The following EYS variants were observed in gnomAD, a reference collection of about 807,000 sequenced individuals.
The protein encoded by EYS is EGF-like photoreceptor maintenance factor.
EYS carries 250 observed loss-of-function variants against 282.1 expected under a neutral mutation model. The ratio of observed to expected loss-of-function variants is 0.89; its 90% confidence interval spans 0.80 to 0.98. The LOEUF (loss-of-function observed/expected upper bound fraction) is 0.98, where lower values mean the gene tolerates loss of function less well. Ranked by LOEUF, EYS falls within the 50% of genes least tolerant of loss-of-function variation. The pLI, the probability that EYS is intolerant of heterozygous loss-of-function variation, is 0.00. For missense variants in EYS, 4,016 were observed against 3,709.0 expected, an observed-to-expected ratio of 1.08 and a Z score of -2.15; for synonymous variants, 1,355 against 1,282.9, an observed-to-expected ratio of 1.06 and a Z score of -1.20.
At chr6:64,508,700 C>T (rs896559586) in intron 26 of EYS, among the ~76,000 whole-genome samples, 6 of 151,318 alleles carry the variant, frequency 4.0e-5, no homozygotes, top group Non-Finnish European at 5.9e-5. Context: ...TTGAGGACTC[C>T]GAAGAGCTTT....
chr6:64,766,043 T>A (rs186874008), intron 22 of EYS, among the ~76,000 whole-genome samples: 2 of 152,144 alleles, frequency 1.3e-5, no homozygotes, highest in Non-Finnish European at 2.9e-5. Context: ...ATCCCCCTTT[T>A]TTTTTGTAAA....
intron 22 of EYS, among the ~76,000 whole-genome samples, chr6:64,663,204 A>T (rs7764399): frequency 6.6e-6 from 1 of 151,876 alleles, no homozygotes; most frequent in African/African-American, 2.4e-5. Flanking sequence ...ACTGACAACA[A>T]TAATTATGTA....
At chr6:64,319,396 A>G (rs1770114361) in intron 29 of EYS, among the ~76,000 whole-genome samples, 1 of 151,892 alleles carries the variant, frequency 6.6e-6, no homozygotes, top group African/African-American at 2.4e-5. Flanking sequence ...GATTAAATCA[A>G]TGGTTTTCAT....
At chr6:64,494,936 TCAC>T (rs1455703477) in intron 26 of EYS, among the ~76,000 whole-genome samples, 2 of 151,684 alleles carry the variant, frequency 1.3e-5, no homozygotes, top group South Asian at 2.1e-4. Context: ...AATACAATAA[TCAC>T]CACTATTGAT....
intron 2 of EYS, among the ~76,000 whole-genome samples, chr6:65,620,937 T>G (rs1309310304): frequency 6.6e-6 from 1 of 152,230 alleles, no homozygotes; most frequent in Non-Finnish European, 1.5e-5. Flanking sequence ...ATCATTTCTG[T>G]TCTTTTACAT....
At chr6:65,349,558 A>G (rs73744320) in intron 9 of EYS, among the ~76,000 whole-genome samples, 1 of 151,534 alleles carries the variant, frequency 6.6e-6, no homozygotes, top group Non-Finnish European at 1.5e-5. Flanking sequence ...GGTTATGATT[A>G]TGTATGTATG....
chr6:65,637,323 T>G (rs1316093391), intron 2 of EYS, among the ~76,000 whole-genome samples: 2 of 152,200 alleles, frequency 1.3e-5, no homozygotes, highest in African/African-American at 4.8e-5. Context: ...CTCAAATTTA[T>G]TATATTTAAA....
intron 12 of EYS, among the ~76,000 whole-genome samples, chr6:65,086,027 C>CTT (rs35717731): frequency 2.9e-5 from 4 of 137,578 alleles, no homozygotes; most frequent in Non-Finnish European, 6.1e-5. Context: ...ACCTTCTCCT[C>CTT]TTTTTTTTTT....
At position 64,590,288 on chromosome 6, in the gene EYS, A is replaced by G; in HGVS notation, c.5579T>C (p.Phe1860Ser). 6.4e-7 allele frequency: 1 copy of G among 1,551,120 alleles called. No homozygotes were observed. Among genetic ancestry groups the G allele is most frequent in the Non-Finnish European group, 8.7e-7 (1 of 1,146,592 alleles). ...TGAAGACAAAGTAAGAGATCTAGTG[A>G]AGGGAAGATGCCGGCTTGCAGTGGG... is the stretch of plus-strand genomic sequence containing the variant. ...EFPTASRHLP[F>S]TRSLTLSSLE... Residue 1860 changes from phenylalanine to serine, a missense_variant, in exon 26 of 43, where the codon TTC (phenylalanine) becomes TCC (serine). Transcript: ENST00000503581.
intron 33 of EYS, among the ~76,000 whole-genome samples, chr6:64,003,899 G>A (rs1411332458): frequency 6.6e-6 from 1 of 152,196 alleles, no homozygotes; most frequent in African/African-American, 2.4e-5. Context: ...ACATGAAGAA[G>A]GACATGTTTG....
chr6:65,375,560 G>C (rs1367948161), intron 8 of EYS, among the ~76,000 whole-genome samples: 1 of 152,060 alleles, frequency 6.6e-6, no homozygotes, highest in African/African-American at 2.4e-5. Context: ...ACAGAAGTAG[G>C]CTTCAGAAAG....
intron 1 of EYS, among the ~76,000 whole-genome samples, chr6:65,644,904 C>T (rs557080789): frequency 1.4e-3 from 208 of 152,152 alleles, no homozygotes; most frequent in Non-Finnish European, 2.4e-3. Flanking sequence ...CTACAAGAAC[C>T]GCTAAAAGGA....
At position 63,721,404 on chromosome 6, in the gene EYS, C is replaced by A. The variant is rs746440557; in HGVS notation, c.8627G>T (p.Gly2876Val). 7.1e-6 allele frequency: 11 copies of A among 1,551,380 alleles called. No individual in the cohort carries two copies. In the Admixed American group the frequency reaches 1.2e-4, roughly 17 times the overall value. Residue 2876 changes from glycine (G) to valine (V), a missense_variant, in exon 43 of 43, where the codon GGG becomes GTG. Coordinates refer to ENST00000503581, the MANE Select transcript of EYS (RefSeq NM_001142800.2). ...GCATGTGTTGTACCCACAGGCTGTC[C>A]CATCACAGTCACCTACATTTGAGCC... ...KGGSNVGDCD[G>V]TACGYNTCRN...
At chr6:65,349,398 C>G (rs932459573) in intron 9 of EYS, among the ~76,000 whole-genome samples, 2 of 151,288 alleles carry the variant, frequency 1.3e-5, no homozygotes, top group African/African-American at 2.4e-5. Flanking sequence ...AAGATAACAC[C>G]ATTATTTTAT....
intron 33 of EYS, among the ~76,000 whole-genome samples, chr6:64,045,911 T>TATATAATACATATATGTGTG (rs1770602725): frequency 1.4e-5 from 2 of 139,984 alleles, no homozygotes; most frequent in Non-Finnish European, 3.1e-5. Context: ...ACATATATGT[T>TATATAATACATATATGTGTG]TATTATATAT....
At chr6:63,727,009 T>G (rs1768638678) in intron 41 of EYS, among the ~76,000 whole-genome samples, 1 of 152,220 alleles carries the variant, frequency 6.6e-6, no homozygotes, top group Non-Finnish European at 1.5e-5. Flanking sequence ...TTCTTGGAAA[T>G]GTCTTACATT....
intron 22 of EYS, among the ~76,000 whole-genome samples, chr6:64,678,156 C>T (rs1769758895): frequency 6.6e-6 from 1 of 151,600 alleles, no homozygotes; most frequent in African/African-American, 2.4e-5. Flanking sequence ...TCTCTACTAG[C>T]TTTTGAGTAT....
At chr6:64,163,926 A>C (rs1314170650) in intron 31 of EYS, among the ~76,000 whole-genome samples, 2 of 152,130 alleles carry the variant, frequency 1.3e-5, no homozygotes, top group African/African-American at 4.8e-5. Flanking sequence ...TGCTAGTCAC[A>C]TCAGAAAAAG....
At chr6:65,315,146 T>C (rs1199278385) in intron 11 of EYS, among the ~76,000 whole-genome samples, 2 of 152,138 alleles carry the variant, frequency 1.3e-5, no homozygotes, top group East Asian at 1.9e-4. Context: ...AGTAGTTTAC[T>C]GCATGTCAAA....
Sources: gnomAD v4.1 joint callset for allele counts (sites outside exome capture counted in the v4.1 genomes callset) on GRCh38, gnomAD v4.1.1 for gene constraint, MANE v1.5 for transcripts, NCBI Gene and HGNC (gene_info 2026-07-23, HGNC 2026-07-21) for gene names.